PCDHA13: variants seen among roughly 807,000 people sequenced by gnomAD.
PCDHA13 encodes the protein protocadherin alpha 13.
PCDHA13 carries 54 observed loss-of-function variants against 64.8 expected under a neutral mutation model. The ratio of observed to expected loss-of-function variants is 0.83; its 90% confidence interval spans 0.67 to 1.04. PCDHA13 has a LOEUF of 1.04. PCDHA13 is among the 50% of genes least tolerant of loss of function. The pLI, the probability that PCDHA13 is intolerant of heterozygous loss-of-function variation, is 0.00. For missense variants in PCDHA13, 1,248 were observed against 1,254.3 expected (o/e 0.99, Z 0.08); for synonymous variants, 587 against 564.4 (o/e 1.04, Z -0.57).
intron 1 of PCDHA13, chr5:140,928,905 G>T: frequency 6.2e-7 from 1 of 1,614,138 alleles, no homozygotes; most frequent in South Asian, 1.1e-5. Flanking sequence ...AAGATGTCTG[G>T]GAACCAGGAG....
At chr5:140,899,250 G>A (rs1232558400) in intron 1 of PCDHA13, among the ~76,000 whole-genome samples, 1 of 152,118 alleles carries the variant, frequency 6.6e-6, no homozygotes, top group African/African-American at 2.4e-5. Flanking sequence ...GGTGAGAGAG[G>A]GCATCCCTGT....
chr5:141,006,361 A>G (rs1384420854), intron 3 of PCDHA13, among the ~76,000 whole-genome samples: 3 of 151,846 alleles, frequency 2.0e-5, no homozygotes, highest in African/African-American at 7.3e-5. Context: ...ATAGGCGCCC[A>G]CCACCACGCC....
chr5:140,926,106 G>A (rs952874240), intron 1 of PCDHA13, among the ~76,000 whole-genome samples: 9 of 152,176 alleles, frequency 5.9e-5, no homozygotes, highest in African/African-American at 2.2e-4. Flanking sequence ...GGATACAAGA[G>A]GGTGCAGGAC....
chr5:140,906,593 T>C (rs2072768257), intron 1 of PCDHA13, among the ~76,000 whole-genome samples: 1 of 152,242 alleles, frequency 6.6e-6, no homozygotes, highest in Admixed American at 6.5e-5. Flanking sequence ...TACCTTCCTC[T>C]ACTACTCATT....
Position 140,884,321 on chromosome 5 carries a change from G to A in PCDHA13, c.2053G>A (p.Gly685Ser). 1 of 1,613,854 alleles carries A rather than the reference G, an allele frequency of 6.2e-7. No individual in the cohort carries two copies. The highest frequency in any genetic ancestry group is 8.5e-7 in the Non-Finnish European group (1 of 1,179,872). ...ACAGGCTTCGTCGAGGGCGTCGGCA[G>A]GCGCTGTGGGTCCAGAAGCGGCGCT... ...APQASSRASA[G>S]AVGPEAALVD... The change falls in exon 1 of 4, where the codon GGC becomes AGC. Residue 685 changes from glycine to serine, a missense_variant. Coordinates refer to ENST00000289272, the MANE Select transcript of PCDHA13 (RefSeq NM_018904.3).
chr5:140,987,892 A>C (rs1383983251), intron 3 of PCDHA13, among the ~76,000 whole-genome samples: 1 of 152,094 alleles, frequency 6.6e-6, no homozygotes, highest in Non-Finnish European at 1.5e-5. Flanking sequence ...TATGTGCCCT[A>C]GTTTTATATG....
At position 140,980,991 on chromosome 5, in the gene PCDHA13, C is replaced by G. The variant is rs888673669; in HGVS notation, c.2454-1484C>G. Among the ~76,000 whole-genome samples the G allele has an allele frequency of 1.2e-4, 18 of 151,972 alleles. 1 individual carries two copies. Among genetic ancestry groups the G allele is most frequent in the Non-Finnish European group, 8.8e-5 (6 of 68,014 alleles). ...AATCTGACTGAGCCCACACAATTTG[C>G]TAGTAGGATCCAGGAACACTTGAAG... On this transcript the variant is annotated intron_variant, in intron 2 of 3. Transcript: ENST00000289272.
chr5:140,974,328 C>G (rs2096623040), intron 1 of PCDHA13, among the ~76,000 whole-genome samples: 1 of 152,198 alleles, frequency 6.6e-6, no homozygotes, highest in Admixed American at 6.5e-5. Flanking sequence ...AGCTGCTGTG[C>G]TAGCAGGCTA....
intron 1 of PCDHA13, among the ~76,000 whole-genome samples, chr5:140,951,497 A>G (rs2094591184): frequency 6.6e-6 from 1 of 152,030 alleles, no homozygotes; most frequent in Non-Finnish European, 1.5e-5. Flanking sequence ...GGTGGAAGGC[A>G]AAAGGAAAGC....
chr5:140,925,762 T>G (rs1172229426), intron 1 of PCDHA13, among the ~76,000 whole-genome samples: 3 of 152,052 alleles, frequency 2.0e-5, no homozygotes, highest in African/African-American at 7.2e-5. Flanking sequence ...ACAGAGTAGT[T>G]TCCTGGTCAA....
intron 1 of PCDHA13, chr5:140,928,062 C>G: frequency 6.2e-7 from 1 of 1,614,194 alleles, no homozygotes; most frequent in Non-Finnish European, 8.5e-7. Context: ...TGACGGCTTC[C>G]TTTGACAACT....
intron 1 of PCDHA13, among the ~76,000 whole-genome samples, chr5:140,902,351 A>C (rs1554190404): frequency 1.3e-5 from 2 of 151,346 alleles, no homozygotes; most frequent in African/African-American, 4.9e-5. Context: ...GAAGCCCTTT[A>C]TTTCTTTCTC....
At position 140,883,758 on chromosome 5, in the gene PCDHA13, G is replaced by A. The variant is rs781858673; in HGVS notation, c.1490G>A (p.Arg497Gln). 5 of 1,612,920 alleles carry A rather than the reference G, an allele frequency of 3.1e-6. No homozygotes were observed. The highest frequency in any genetic ancestry group is 1.1e-5 in the South Asian group (1 of 91,022). ...NALVSYSLVE[R>Q]RVGERALSSY... ...CTGGTCTCCTACTCGCTGGTGGAGC[G>A]GCGGGTGGGCGAGCGTGCGCTGTCG... The change falls in exon 1 of 4, where the codon CGG becomes CAG. Residue 497 changes from arginine to glutamine, a missense_variant. Arg to Gln is a conservative substitution (Grantham distance 43). Coordinates refer to ENST00000289272, the MANE Select transcript of PCDHA13 (RefSeq NM_018904.3).
intron 1 of PCDHA13, among the ~76,000 whole-genome samples, chr5:140,964,622 T>A (rs1435749865): frequency 6.6e-6 from 1 of 152,048 alleles, no homozygotes; most frequent in African/African-American, 2.4e-5. Flanking sequence ...ATTCCACTTA[T>A]AAGCCATTTA....
intron 1 of PCDHA13, chr5:140,969,383 C>G: frequency 6.3e-7 from 1 of 1,597,986 alleles, no homozygotes; most frequent in Non-Finnish European, 8.5e-7. Context: ...TGTTACACAT[C>G]CCCCAATATC....
At chr5:140,898,864 A>C (rs1401711928) in intron 1 of PCDHA13, among the ~76,000 whole-genome samples, 3 of 149,656 alleles carry the variant, frequency 2.0e-5, no homozygotes, top group African/African-American at 7.5e-5. Flanking sequence ...CTTTTATTTC[A>C]TTGAGCAGTG....
chr5:140,987,898 A>T (rs1394668777), intron 3 of PCDHA13, among the ~76,000 whole-genome samples: 1 of 152,092 alleles, frequency 6.6e-6, no homozygotes, highest in Non-Finnish European at 1.5e-5. Context: ...CCCTAGTTTT[A>T]TATGGGGATT....
At chr5:140,967,957 C>A in intron 1 of PCDHA13, 1 of 1,614,222 alleles carries the variant, frequency 6.2e-7, no homozygotes, top group Admixed American at 1.7e-5. Context: ...CAGGCCCCAA[C>A]CGGAAAGTGA....
chr5:140,983,526 A>G (rs1421450953), intron 3 of PCDHA13, among the ~76,000 whole-genome samples: 3 of 152,230 alleles, frequency 2.0e-5, no homozygotes, highest in Admixed American at 2.0e-4. Flanking sequence ...TGCCAAGTAC[A>G]TTGTATGTGT....
Sources: allele counts gnomAD v4.1 joint callset (sites outside exome capture counted in the v4.1 genomes callset), GRCh38; gene constraint gnomAD v4.1.1; transcripts MANE v1.5; gene names NCBI Gene and HGNC (gene_info 2026-07-23, HGNC 2026-07-21).